ACSS1: variants seen among roughly 807,000 people sequenced by gnomAD.
ACSS1 encodes acyl-CoA synthetase short chain family member 1.
ACSS1 carries 42 observed loss-of-function variants against 75.3 expected under a neutral mutation model. That is an observed-to-expected ratio of 0.56 (90% confidence interval 0.44 to 0.72). ACSS1 has a LOEUF of 0.72. Ranked by LOEUF, ACSS1 falls within the 30% of genes least tolerant of loss-of-function variation. ACSS1 has a pLI of 0.00. For synonymous variants in ACSS1, 380 were observed against 376.8 expected (o/e 1.01, Z -0.10); for missense variants, 782 against 935.7 (o/e 0.84, Z 2.14).
At chr20:25,008,057 A>C in intron 13 of ACSS1, 116 bp from the exon 14 acceptor site, 1 of 1,298,822 alleles carries the variant, frequency 7.7e-7, no homozygotes, top group Non-Finnish European at 1.0e-6. Context: ...CCGGGGATCC[A>C]CAGTGGATGT....
intron 8 of ACSS1, 22 bp downstream of exon 8, chr20:25,015,116 C>G (rs111465974): frequency 6.3e-7 from 1 of 1,595,766 alleles, no homozygotes; most frequent in Non-Finnish European, 8.6e-7. Flanking sequence ...TAGACCGGAA[C>G]CTGTTCCCCA....
intron 8 of ACSS1, among the ~76,000 whole-genome samples, 183 bp from the exon 9 acceptor site, chr20:25,014,256 C>A (rs2088475924): frequency 6.6e-6 from 1 of 152,198 alleles, no homozygotes; most frequent in African/African-American, 2.4e-5. Context: ...AGAGGCGGCC[C>A]CACAGTGGCC....
intron 8 of ACSS1, among the ~76,000 whole-genome samples, chr20:25,014,851 T>G (rs1402337023): frequency 6.6e-6 from 1 of 152,210 alleles, no homozygotes; most frequent in African/African-American, 2.4e-5. Flanking sequence ...CAAGCTGAGC[T>G]GTGTCACCTC....
Position 25,023,602 on chromosome 20 carries a change from C to G in ACSS1, c.671G>C (p.Arg224Pro). Reference sequence around the variant, plus strand: ...CTTCAGCTCCACCACGCGCCCACCCCGGAGTCCTTGGTTGAAGGTGATAAC... The same window carrying G: ...CTTCAGCTCCACCACGCGCCCACCCGGGAGTCCTTGGTTGAAGGTGATAAC... ...KVVITFNQGL[R>P]GGRVVELKKI... The change falls in exon 4 of 14, where the codon CGG becomes CCG. Residue 224 changes from arginine (R) to proline (P), a missense_variant. Physicochemically the swap from Arg to Pro is moderately radical, Grantham distance 103. Transcript: ENST00000323482. The G allele has an allele frequency of 6.2e-7, 1 of 1,612,824 alleles. No homozygotes were observed. Among genetic ancestry groups the G allele is most frequent in the Non-Finnish European group, 8.5e-7 (1 of 1,179,304 alleles).
chr20:25,048,798 C>G (rs73906057), intron 1 of ACSS1, among the ~76,000 whole-genome samples: 5,807 of 152,300 alleles, frequency 0.038, 392 homozygotes, highest in African/African-American at 0.13. Flanking sequence ...CTCTCCATTA[C>G]CCAAGCTCCC....
chr20:25,016,977 G>A (rs2088527923), intron 7 of ACSS1, among the ~76,000 whole-genome samples: 1 of 151,538 alleles, frequency 6.6e-6, no homozygotes, highest in Non-Finnish European at 1.5e-5. Context: ...GAAAACTTCA[G>A]CTTTTTTTTT....
At chr20:25,044,952 AG>A (rs2089062811) in intron 2 of ACSS1, among the ~76,000 whole-genome samples, 1 of 152,206 alleles carries the variant, frequency 6.6e-6, no homozygotes, top group Non-Finnish European at 1.5e-5. Context: ...TTTGTGAAGG[AG>A]GAAGCGGGGC....
intron 7 of ACSS1, among the ~76,000 whole-genome samples, chr20:25,018,906 C>A (rs989609942): frequency 3.3e-5 from 5 of 152,208 alleles, no homozygotes; most frequent in African/African-American, 1.2e-4. Flanking sequence ...TCACATCTGA[C>A]CCTCTGTGGC....
At chr20:25,016,212 G>A (rs1354189322) in intron 7 of ACSS1, among the ~76,000 whole-genome samples, 1 of 152,204 alleles carries the variant, frequency 6.6e-6, no homozygotes, top group Non-Finnish European at 1.5e-5. Flanking sequence ...AGGTTCAAGT[G>A]CAGCCGGATC....
intron 12 of ACSS1, chr20:25,011,435 C>T (rs2088407136): frequency 6.6e-6 from 1 of 152,252 alleles, no homozygotes; most frequent in Non-Finnish European, 1.5e-5. Context: ...AATCCCAGGA[C>T]ACGTCAGTGC....
At position 25,032,482 on chromosome 20, in the gene ACSS1, C is replaced by G. The variant is rs184097061; in HGVS notation, c.432-1524G>C. On this transcript the variant is annotated intron_variant, in intron 2 of 13. Coordinates refer to ENST00000323482, the MANE Select transcript of ACSS1 (RefSeq NM_032501.4). ...CAATTGCATTAACCACTTTCCCACT[C>G]TTGCTGTACTGACTTTAATTAATTA... is the stretch of plus-strand genomic sequence containing the variant. 8.4e-5 allele frequency: 110 copies of G among 1,302,460 alleles called. No homozygotes were observed. The African/African-American group carries it at 1.4e-3, about 17-fold the overall frequency. 80.7% of individuals were successfully genotyped at this position (1,302,460 alleles called of 1,614,324 possible). A position where few individuals can be genotyped will look rare whatever the true frequency, so the allele number is the denominator to read the frequency against.
intron 3 of ACSS1, among the ~76,000 whole-genome samples, chr20:25,026,032 T>C (rs962729803): frequency 6.6e-6 from 1 of 152,138 alleles, no homozygotes; most frequent in African/African-American, 2.4e-5. Flanking sequence ...AAAGCCATTC[T>C]CCTGACCTCT....
chr20:25,022,079 G>T (rs899427812), intron 5 of ACSS1, among the ~76,000 whole-genome samples: 1 of 152,140 alleles, frequency 6.6e-6, no homozygotes, highest in Non-Finnish European at 1.5e-5. Flanking sequence ...ATTTTAGGCC[G>T]GACACGGTGG....
chr20:25,037,005 A>AAAGGAAGGAAGGAAGGAAGGAAGGAAGG (rs146710264), intron 2 of ACSS1, among the ~76,000 whole-genome samples: 3 of 131,838 alleles, frequency 2.3e-5, no homozygotes, highest in Admixed American at 7.6e-5. Context: ...AAGAAGAAAG[A>AAAGGAAGGAAGGAAGGAAGGAAGGAAGG]AAGGAAGGAA....
intron 7 of ACSS1, among the ~76,000 whole-genome samples, chr20:25,019,440 G>A (rs1284378975): frequency 3.9e-5 from 6 of 152,260 alleles, no homozygotes; most frequent in African/African-American, 7.2e-5. Context: ...CAAAAGTGCA[G>A]GATGGTATCC....
rs1003922115 is a variant in ACSS1, at chr20:25,007,473, G to A, written c.*289C>T. The A allele has an allele frequency of 5.6e-6, 7 of 1,248,758 alleles. No homozygotes were observed. Among genetic ancestry groups the A allele is most frequent in the Non-Finnish European group, 6.1e-6 (6 of 991,058 alleles). 77.4% of individuals were successfully genotyped at this position (1,248,758 alleles called of 1,614,324 possible). ...CACCTTCCTGTGCTGGCTCAAGAGGGCAGAGGAATGGAGATGGCAATGCCT... is the reference window on the plus strand; with the variant it reads ...CACCTTCCTGTGCTGGCTCAAGAGGACAGAGGAATGGAGATGGCAATGCCT... On this transcript the variant is annotated 3_prime_UTR_variant, in exon 14 of 14. Transcript: ENST00000323482.
At chr20:25,044,577 C>G (rs1386408666) in intron 2 of ACSS1, among the ~76,000 whole-genome samples, 4 of 152,188 alleles carry the variant, frequency 2.6e-5, no homozygotes, top group Non-Finnish European at 5.9e-5. Flanking sequence ...AGTACCACTA[C>G]ACTCCAGCCT....
Position 25,015,242 on chromosome 20 carries a change from C to T in ACSS1, c.1247-12G>A, listed in dbSNP as rs781629572. 3 of 1,593,224 alleles carry T rather than the reference C, an allele frequency of 1.9e-6. No individual in the cohort carries two copies. The highest frequency in any genetic ancestry group is 1.7e-6 in the Non-Finnish European group (2 of 1,167,792). On this transcript the variant is annotated splice_polypyrimidine_tract_variant and intron_variant, in intron 7 of 13. Coordinates refer to ENST00000323482, the MANE Select transcript of ACSS1 (RefSeq NM_032501.4). ...GATGGGCTCTCCCACTGAAACCACA[C>T]AGAAAGAAAAAGATGTTAACAGGCT...
At chr20:25,019,003 G>A (rs975030216) in intron 7 of ACSS1, among the ~76,000 whole-genome samples, 3 of 152,246 alleles carry the variant, frequency 2.0e-5, no homozygotes, top group African/African-American at 7.2e-5. Flanking sequence ...CCCAGCTGCT[G>A]TGCCTCTCAG....
Sources: allele counts gnomAD v4.1 joint callset (sites outside exome capture counted in the v4.1 genomes callset), GRCh38; gene constraint gnomAD v4.1.1; transcripts MANE v1.5; gene names NCBI Gene and HGNC (gene_info 2026-07-23, HGNC 2026-07-21).